Variants in RUFY3 observed in about 807,000 individuals in gnomAD.
RUFY3 encodes protein RUFY3.
Under a neutral mutation model 84.0 loss-of-function variants are expected in RUFY3, and 34 were observed. The ratio of observed to expected loss-of-function variants is 0.40; its 90% confidence interval spans 0.31 to 0.54. RUFY3 has a LOEUF of 0.54. Ranked by LOEUF, RUFY3 falls within the 20% of genes least tolerant of loss-of-function variation. The pLI, the probability that RUFY3 is intolerant of heterozygous loss-of-function variation, is 0.39. For synonymous variants in RUFY3, 242 were observed against 252.9 expected, an observed-to-expected ratio of 0.96 and a Z score of 0.41; for missense variants, 507 against 736.8, an observed-to-expected ratio of 0.69 and a Z score of 3.61.
At chr4:70,738,838 T>G (rs1374926267) in intron 1 of RUFY3, among the ~76,000 whole-genome samples, 1 of 152,096 alleles carries the variant, frequency 6.6e-6, no homozygotes, top group African/African-American at 2.4e-5. Context: ...CGTGGCATGA[T>G]CATAGCTTAT....
intron 12 of RUFY3, chr4:70,791,861 T>G (rs189251334): frequency 8.4e-4 from 827 of 985,756 alleles, no homozygotes; most frequent in Middle Eastern, 5.2e-3. Flanking sequence ...TACACTTCTA[T>G]TCTCAGTAAC....
At chr4:70,712,033 C>T (rs1741057102) in intron 1 of RUFY3, among the ~76,000 whole-genome samples, 1 of 152,176 alleles carries the variant, frequency 6.6e-6, no homozygotes, top group South Asian at 2.1e-4. Flanking sequence ...TTGAGTCTTT[C>T]TTTGGTTGCT....
At chr4:70,785,698 A>C (rs1416530201) in intron 10 of RUFY3, among the ~76,000 whole-genome samples, 1 of 151,770 alleles carries the variant, frequency 6.6e-6, no homozygotes, top group Non-Finnish European at 1.5e-5. Flanking sequence ...TCAGCCGGGC[A>C]TGGTGGCATG....
chr4:70,773,739 C>T (rs1727373447), intron 6 of RUFY3, among the ~76,000 whole-genome samples, 167 bp downstream of exon 6: 2 of 152,138 alleles, frequency 1.3e-5, no homozygotes, highest in Admixed American at 6.6e-5. Flanking sequence ...TTACGCCTAC[C>T]TCTAAACCCT....
chr4:70,783,919 CT>C (rs1291832648), intron 9 of RUFY3, among the ~76,000 whole-genome samples: 1 of 152,118 alleles, frequency 6.6e-6, no homozygotes, highest in Non-Finnish European at 1.5e-5. Flanking sequence ...AGGATGATCT[CT>C]ACTTTCTTTT....
chr4:70,791,393 A>T, intron 12 of RUFY3: 1 of 1,500,206 alleles, frequency 6.7e-7, no homozygotes, highest in Admixed American at 2.5e-5. Flanking sequence ...CTGATTCTAT[A>T]TAAAATGTCA....
intron 12 of RUFY3, chr4:70,791,102 A>AATACT: frequency 1.7e-6 from 1 of 577,454 alleles, no homozygotes; most frequent in Non-Finnish European, 2.9e-6. Flanking sequence ...AAGCAAACAG[A>AATACT]AAGAGAATAA....
Position 70,778,428 on chromosome 4 carries a change from T to G in RUFY3, c.884T>G (p.Leu295Arg). 1 of 1,594,720 alleles carries G rather than the reference T, an allele frequency of 6.3e-7. No individual in the cohort carries two copies. Among genetic ancestry groups the G allele is most frequent in the Non-Finnish European group, 8.6e-7 (1 of 1,163,072 alleles). ...GCATTAGAAAAATCCAACACTAAAC[T>G]GACAGAGGAGGTAAGTTTTGGAAAT... ...VDALEKSNTK[L>R]TEELAVANNR... is the part of the protein sequence containing the mutation. Residue 295 changes from leucine (L) to arginine (R), a missense_variant, in exon 8 of 18, where the codon CTG (leucine) becomes CGG (arginine). Around this residue, in one of 4 missense-constraint regions of RUFY3, gnomAD observed 17 missense variants for 54.7 expected, o/e 0.31. Transcript: ENST00000381006.
intron 1 of RUFY3, among the ~76,000 whole-genome samples, chr4:70,758,792 A>C (rs1011930287): frequency 6.6e-6 from 1 of 152,046 alleles, no homozygotes; most frequent in African/African-American, 2.4e-5. Context: ...TAATCCCAGC[A>C]CTTGTGGGAG....
chr4:70,763,785 G>A, intron 3 of RUFY3, 116 bp downstream of exon 3: 2 of 1,285,930 alleles, frequency 1.6e-6, no homozygotes, highest in Non-Finnish European at 2.1e-6. Flanking sequence ...AATCCAAAAT[G>A]CATGATGTCA....
intron 1 of RUFY3, among the ~76,000 whole-genome samples, chr4:70,726,362 C>A (rs1351887813): frequency 3.3e-5 from 5 of 152,076 alleles, no homozygotes; most frequent in African/African-American, 1.2e-4. Flanking sequence ...ACTACCATCA[C>A]TCTTTTTTTT....
upstream of RUFY3, among the ~76,000 whole-genome samples, chr4:70,717,931 G>A (rs542846360): frequency 5.7e-4 from 78 of 137,534 alleles, no homozygotes; most frequent in South Asian, 1.6e-3. Context: ...TGCCCAGGCT[G>A]GAGTGCAGTG....
chr4:70,792,431 A>G (rs558562590), intron 12 of RUFY3: 5 of 984,438 alleles, frequency 5.1e-6, no homozygotes, highest in East Asian at 1.1e-4. Flanking sequence ...CAATATTAGC[A>G]GGGCTTCTGT....
chr4:70,740,638 A>G (rs10018439), intron 1 of RUFY3, among the ~76,000 whole-genome samples: 14,021 of 152,296 alleles, frequency 0.092, 1,386 homozygotes, highest in African/African-American at 0.24. Context: ...GTCCATTCTC[A>G]TGAATCTGTA....
chr4:70,725,206 A>G lies in RUFY3; in HGVS notation c.178+2455A>G, dbSNP rs547017676. 2.6e-5 allele frequency among the ~76,000 whole-genome samples: 4 copies of G among 152,350 alleles called. No homozygotes were observed. In the East Asian group the frequency reaches 7.7e-4, roughly 29 times the overall value. ...GGCCCTTCACTGAGCAGTCCGCAGT[A>G]TAGGCCTGGACCTAGAGTTTCTGCC... On this transcript the variant is annotated intron_variant, in intron 1 of 17. Transcript: ENST00000381006.
intron 1 of RUFY3, among the ~76,000 whole-genome samples, chr4:70,729,639 A>C (rs1422267400): frequency 6.6e-6 from 1 of 152,216 alleles, no homozygotes; most frequent in African/African-American, 2.4e-5. Context: ...AATGTAAAGC[A>C]CCCTATAAAT....
At position 70,773,491 on chromosome 4, in the gene RUFY3, C is replaced by G. The variant is rs76427219; in HGVS notation, c.697-20C>G. On this transcript the variant is annotated intron_variant, in intron 5 of 17. Transcript: ENST00000381006. ...AAGAATATCTAATTTTATATTAAAA[C>G]CTGAAAATTCTCTCTGTAGGTTGGA... is the stretch of plus-strand genomic sequence containing the variant. 44,860 of 1,582,028 alleles carry G rather than the reference C, an allele frequency of 0.028. 2,156 individuals are homozygous for G. Among genetic ancestry groups the G allele is most frequent in the East Asian group, 0.21 (9,379 of 44,464 alleles).
At chr4:70,772,603 T>C (rs2148734641) in intron 5 of RUFY3, among the ~76,000 whole-genome samples, 1 of 152,330 alleles carries the variant, frequency 6.6e-6, no homozygotes, top group African/African-American at 2.4e-5. Context: ...TTATGTTTTA[T>C]TCTGGTAAAA....
chr4:70,777,125 A>T (rs1227776829), intron 7 of RUFY3, among the ~76,000 whole-genome samples: 1 of 152,246 alleles, frequency 6.6e-6, no homozygotes, highest in Admixed American at 6.5e-5. Flanking sequence ...TAAGAAAAAA[A>T]TACATGCCCA....
Sources: gnomAD v4.1 joint callset for allele counts (sites outside exome capture counted in the v4.1 genomes callset) on GRCh38, gnomAD v4.1.1 for gene constraint, gnomAD v4.1.1 regional missense constraint, MANE v1.5 for transcripts, NCBI Gene and HGNC (gene_info 2026-07-23, HGNC 2026-07-21) for gene names.